TBC1D4: variants seen among roughly 807,000 people sequenced by gnomAD.
The protein encoded by TBC1D4 is TBC1 domain family member 4, also known as TBC (Tre-2, BUB2, CDC16) domain-containing protein.
Under a neutral mutation model 142.5 loss-of-function variants are expected in TBC1D4, and 121 were observed. That is an observed-to-expected ratio of 0.85 (90% CI 0.73 to 0.99). The LOEUF is 0.99. TBC1D4 is among the 50% of genes least tolerant of loss of function. TBC1D4 has a pLI of 0.00. For missense variants in TBC1D4, 1,475 were observed against 1,606.6 expected (o/e 0.92, Z 1.40); for synonymous variants, 630 against 628.2 (o/e 1.00, Z -0.04).
chr13:75,332,597 C>T (rs1213712197), intron 8 of TBC1D4, among the ~76,000 whole-genome samples: 1 of 151,582 alleles, frequency 6.6e-6, no homozygotes, highest in Non-Finnish European at 1.5e-5. Context: ...CTGGACCCCA[C>T]CCCGAGAGTT....
intron 1 of TBC1D4, among the ~76,000 whole-genome samples, chr13:75,410,183 T>A (rs1593855828): frequency 6.6e-6 from 1 of 152,302 alleles, no homozygotes; most frequent in East Asian, 1.9e-4. Flanking sequence ...CTATGTTTGA[T>A]ATATTCACAT....
At chr13:75,439,839 T>C (rs1161730292) in intron 1 of TBC1D4, among the ~76,000 whole-genome samples, 1 of 151,710 alleles carries the variant, frequency 6.6e-6, no homozygotes, top group Admixed American at 6.6e-5. Flanking sequence ...GAGGCAGAGG[T>C]TGCAGTGAGA....
chr13:75,405,574 A>G (rs1040844920), intron 1 of TBC1D4, among the ~76,000 whole-genome samples: 2 of 152,198 alleles, frequency 1.3e-5, no homozygotes, highest in African/African-American at 4.8e-5. Flanking sequence ...GCCTGGTCAT[A>G]TGAATTTTTA....
At position 75,284,848 on chromosome 13, in the gene TBC1D4, T is replaced by C. The variant is rs1457237435; in HGVS notation, c.*1944A>G. ...AAGTCAGCTTAATCTCTGAACACCA[T>C]AATATAACTCTTAATGTTGATTCTA... is the stretch of plus-strand genomic sequence containing the variant. On this transcript the variant is annotated 3_prime_UTR_variant, in exon 21 of 21. Coordinates refer to ENST00000377636, the MANE Select transcript of TBC1D4 (RefSeq NM_014832.5). The C allele has an allele frequency of 6.6e-6, 1 of 152,190 alleles. No homozygotes were observed. Among genetic ancestry groups the C allele is most frequent in the Admixed American group, 6.5e-5 (1 of 15,282 alleles). The allele number at this position is 152,190 out of a possible 1,614,324, so 9.4% of individuals were successfully genotyped here. A position where few individuals can be genotyped will look rare whatever the true frequency, so the allele number is the denominator to read the frequency against.
intron 15 of TBC1D4, among the ~76,000 whole-genome samples, chr13:75,303,804 T>C (rs1240543935): frequency 6.6e-6 from 1 of 152,236 alleles, no homozygotes; most frequent in Non-Finnish European, 1.5e-5. Context: ...GTCCCTGATG[T>C]ATACTAGACG....
At chr13:75,467,574 G>A (rs893368192) in intron 1 of TBC1D4, among the ~76,000 whole-genome samples, 3 of 152,202 alleles carry the variant, frequency 2.0e-5, no homozygotes, top group African/African-American at 7.2e-5. Flanking sequence ...TATGAAGGAG[G>A]AGAAAAGGCC....
chr13:75,400,352 A>G (rs1885021261), intron 1 of TBC1D4, among the ~76,000 whole-genome samples: 1 of 152,238 alleles, frequency 6.6e-6, no homozygotes, highest in East Asian at 1.9e-4. Flanking sequence ...GTAGCTTCCT[A>G]ATATACCCAT....
At chr13:75,308,113 A>G (rs942253764) in intron 14 of TBC1D4, among the ~76,000 whole-genome samples, 6 of 152,232 alleles carry the variant, frequency 3.9e-5, no homozygotes, top group African/African-American at 1.4e-4. Context: ...GTTTAACTAG[A>G]AAAGACTAAA....
At chr13:75,473,786 CAA>C (rs1294896161) in intron 1 of TBC1D4, among the ~76,000 whole-genome samples, 1 of 152,146 alleles carries the variant, frequency 6.6e-6, no homozygotes, top group Non-Finnish European at 1.5e-5. Flanking sequence ...TGAAACCAAC[CAA>C]AGTTTTAATC....
At chr13:75,458,126 A>G (rs1422920969) in intron 1 of TBC1D4, among the ~76,000 whole-genome samples, 1 of 152,128 alleles carries the variant, frequency 6.6e-6, no homozygotes, top group Non-Finnish European at 1.5e-5. Flanking sequence ...TCTGGCATCC[A>G]GGAGGAATCA....
chr13:75,324,228 T>G lies in TBC1D4; in HGVS notation c.2198+9A>C, dbSNP rs1268911315. 1 of 1,613,640 alleles carries G rather than the reference T, an allele frequency of 6.2e-7. No individual in the cohort carries two copies. The highest frequency in any genetic ancestry group is 8.5e-7 in the Non-Finnish European group (1 of 1,179,708). On this transcript the variant is annotated intron_variant, in intron 11 of 20. Coordinates refer to ENST00000377636, the MANE Select transcript of TBC1D4 (RefSeq NM_014832.5). ...ATTTTGCTTTGCAAACAGAGGACAC[T>G]GATCTCACCTGATTTCATTTTCATA...
At chr13:75,335,408 G>A (rs1263948416) in intron 8 of TBC1D4, among the ~76,000 whole-genome samples, 1 of 152,096 alleles carries the variant, frequency 6.6e-6, no homozygotes, top group Non-Finnish European at 1.5e-5. Context: ...GAACCATTTT[G>A]CTTATTTTAA....
At position 75,481,370 on chromosome 13, in the gene TBC1D4, C is replaced by A; in HGVS notation, c.398G>T (p.Ser133Ile). The A allele has an allele frequency of 1.9e-6, 3 of 1,613,942 alleles. No individual in the cohort carries two copies. Among genetic ancestry groups the A allele is most frequent in the Non-Finnish European group, 2.5e-6 (3 of 1,179,854 alleles). The change falls in exon 1 of 21, where the codon AGC becomes ATC. Residue 133 changes from serine to isoleucine, a missense_variant. Around this residue, in one of 2 missense-constraint regions of TBC1D4, gnomAD observed 1,227 missense variants for 1,267.7 expected, o/e 0.97. Coordinates refer to ENST00000377636, the MANE Select transcript of TBC1D4 (RefSeq NM_014832.5). ...AQHISRFIHN[S>I]HDLTYFAYLI... ...GTAGGCAAAGTAGGTGAGGTCGTGGCTGTTGTGGATGAAGCGCGAGATATG... is the reference window on the plus strand; with the variant it reads ...GTAGGCAAAGTAGGTGAGGTCGTGGATGTTGTGGATGAAGCGCGAGATATG...
chr13:75,358,411 T>C (rs2104418), intron 3 of TBC1D4, among the ~76,000 whole-genome samples: 111,269 of 152,118 alleles, frequency 0.73, 41,223 homozygotes, highest in East Asian at 0.86. Context: ...ACAATATATT[T>C]CTCCTTATTT....
At chr13:75,439,119 G>T (rs916100706) in intron 1 of TBC1D4, among the ~76,000 whole-genome samples, 1 of 152,214 alleles carries the variant, frequency 6.6e-6, no homozygotes, top group Admixed American at 6.5e-5. Context: ...AAAATCTCCC[G>T]AAAAACTGTC....
At chr13:75,292,873 G>A (rs1185517728) in intron 18 of TBC1D4, among the ~76,000 whole-genome samples, 1 of 152,160 alleles carries the variant, frequency 6.6e-6, no homozygotes, top group Non-Finnish European at 1.5e-5. Flanking sequence ...TCAAGTACTA[G>A]GCCGGGCGTG....
chr13:75,340,575 T>C (rs1358920403), intron 7 of TBC1D4, among the ~76,000 whole-genome samples: 1 of 152,244 alleles, frequency 6.6e-6, no homozygotes, highest in Non-Finnish European at 1.5e-5. Flanking sequence ...AATGCTTTTT[T>C]TTAACCAAAA....
chr13:75,406,648 T>A (rs1885361244), intron 1 of TBC1D4, among the ~76,000 whole-genome samples: 1 of 152,194 alleles, frequency 6.6e-6, no homozygotes, highest in Non-Finnish European at 1.5e-5. Flanking sequence ...CATATATAGT[T>A]CTATTTACTA....
At chr13:75,405,358 C>T (rs1885289258) in intron 1 of TBC1D4, among the ~76,000 whole-genome samples, 1 of 151,326 alleles carries the variant, frequency 6.6e-6, no homozygotes, top group Non-Finnish European at 1.5e-5. Flanking sequence ...CAACCTCCGC[C>T]TCCCGGGTTC....
Sources: allele counts gnomAD v4.1 joint callset (sites outside exome capture counted in the v4.1 genomes callset), GRCh38; gene constraint gnomAD v4.1.1; regional missense constraint gnomAD v4.1.1; transcripts MANE v1.5; gene names NCBI Gene and HGNC (gene_info 2026-07-23, HGNC 2026-07-21).